The following IQCH variants were observed in gnomAD, a reference collection of about 807,000 sequenced individuals.
IQCH encodes IQ domain-containing protein H.
A neutral mutation model predicts 117.0 loss-of-function variants in IQCH; 98 were observed. The ratio of observed to expected loss-of-function variants is 0.84; its 90% CI spans 0.71 to 0.99. The LOEUF is 0.99. IQCH is among the 50% of genes least tolerant of loss of function. The probability of loss-of-function intolerance (pLI) is 0.00; values close to 1 mark genes in which losing one functional copy is unlikely to be tolerated. For missense variants in IQCH, 1,102 were observed against 1,243.8 expected, an observed-to-expected ratio of 0.89 and a Z score of 1.72; for synonymous variants, 412 against 448.2, an observed-to-expected ratio of 0.92 and a Z score of 1.02.
chr15:67,259,830 G>C (rs1965385182), intron 1 of IQCH, among the ~76,000 whole-genome samples: 1 of 152,186 alleles, frequency 6.6e-6, no homozygotes, highest in Non-Finnish European at 1.5e-5. Context: ...ATAGAAAGAA[G>C]TATATCTTTA....
intron 16 of IQCH, among the ~76,000 whole-genome samples, chr15:67,440,361 C>T (rs2082240269): frequency 6.6e-6 from 1 of 152,190 alleles, no homozygotes; most frequent in Non-Finnish European, 1.5e-5. Context: ...TTCCCTAATT[C>T]ATTTTATGAA....
intron 8 of IQCH, chr15:67,371,482 C>A: frequency 6.3e-7 from 1 of 1,583,416 alleles, no homozygotes; most frequent in South Asian, 1.2e-5. Context: ...AAGAAGAAAC[C>A]AGACTTAAGA....
Position 67,384,960 on chromosome 15 carries a change from A to G in IQCH, c.1397A>G (p.His466Arg), listed in dbSNP as rs368645044. The G allele has an allele frequency of 3.7e-5, 60 of 1,612,042 alleles. No individual in the cohort carries two copies. The highest frequency in any genetic ancestry group is 4.9e-5 in the Non-Finnish European group (58 of 1,178,408). Residue 466 changes from histidine (H) to arginine (R), a missense_variant, in exon 11 of 21, where the codon CAT becomes CGT. His to Arg is a conservative substitution (Grantham distance 29). This residue lies in a region of IQCH where 650 missense variants were observed against 794.3 expected (regional missense o/e 0.82). Coordinates refer to ENST00000335894, the MANE Select transcript of IQCH (RefSeq NM_001031715.3). The surrounding 1 kb of genome is among the most constrained non-coding windows in gnomAD (Gnocchi z 4.3). ...SLGYSQPVRE[H>R]IADFNTQQNM... ...GGGTATTCCCAGCCTGTGAGAGAAC[A>G]TATTGCCGATTTCAACACACAGCAG...
chr15:67,338,252 T>C (rs1432856891), intron 5 of IQCH, among the ~76,000 whole-genome samples: 2 of 151,940 alleles, frequency 1.3e-5, no homozygotes, highest in Non-Finnish European at 2.9e-5. Flanking sequence ...TCTATCTGTC[T>C]GCTCTGCTTT....
intron 16 of IQCH, among the ~76,000 whole-genome samples, chr15:67,461,554 G>A (rs1406680686): frequency 6.6e-6 from 1 of 152,232 alleles, no homozygotes; most frequent in African/African-American, 2.4e-5. Context: ...ACCAGATGGA[G>A]AACAGAACAA....
In IQCH at chr15:67,395,600, T is replaced by G. The variant is rs1338036750; in HGVS notation, c.1905+37T>G. ...GGACAAGTGAAGCTCTGTTCAAATA[T>G]TTGAAACATCCTCTTGATCTTGGAC... On this transcript the variant is annotated intron_variant, in intron 13 of 20. Coordinates refer to ENST00000335894, the MANE Select transcript of IQCH (RefSeq NM_001031715.3). This position sits in a 1 kb window ranked among gnomAD's most constrained non-coding sequence, Gnocchi z 4.0. 6.3e-7 allele frequency: 1 copy of G among 1,590,906 alleles called. No homozygotes were observed. The highest frequency in any genetic ancestry group is 2.2e-5 in the East Asian group (1 of 44,576).
At position 67,453,387 on chromosome 15, in the gene IQCH, G is replaced by A. The variant is rs191632494; in HGVS notation, c.2506-11740G>A. ...ACCTTTGGTCTTTGATGATGGTGAC[G>A]TACAGATGGGTTTTTGGTGTAGATG... On this transcript the variant is annotated intron_variant, in intron 16 of 20. Coordinates refer to ENST00000335894, the MANE Select transcript of IQCH (RefSeq NM_001031715.3). This position sits in a 1 kb window ranked among gnomAD's most constrained non-coding sequence, Gnocchi z 5.8. Among the ~76,000 whole-genome samples the A allele has an allele frequency of 2.2e-3, 339 of 152,238 alleles. 1 individual carries two copies. Among genetic ancestry groups the A allele is most frequent in the Non-Finnish European group, 3.6e-3 (247 of 68,020 alleles).
At chr15:67,330,630 A>G (rs2140637500) in intron 4 of IQCH, among the ~76,000 whole-genome samples, 1 of 152,372 alleles carries the variant, frequency 6.6e-6, no homozygotes, top group East Asian at 1.9e-4. Flanking sequence ...TGGTGAAAGC[A>G]TCAGAAACTA....
chr15:67,353,496 A>T (rs1969758689), intron 6 of IQCH, among the ~76,000 whole-genome samples: 1 of 151,898 alleles, frequency 6.6e-6, no homozygotes, highest in African/African-American at 2.4e-5. Context: ...AGTAGCTGGG[A>T]CTACAGGTGC....
At chr15:67,272,650 G>A (rs911714039) in intron 3 of IQCH, among the ~76,000 whole-genome samples, 3 of 152,182 alleles carry the variant, frequency 2.0e-5, no homozygotes, top group African/African-American at 7.2e-5. Context: ...CTATCTACTT[G>A]CTGAATTGAC....
chr15:67,364,240 AATAG>A lies in IQCH; in HGVS notation c.753+4356_753+4359del, dbSNP rs1299825993. On this transcript the variant is annotated intron_variant, in intron 8 of 20. Transcript: ENST00000335894. The surrounding 1 kb of genome is among the most constrained non-coding windows in gnomAD (Gnocchi z 4.1). ...ATCTGTTATTTTTTGACCTTTTTATAATAGTCATTCTGACTGGTATGAGATGGTA... is the reference window on the plus strand; with the variant it reads ...ATCTGTTATTTTTTGACCTTTTTATATCATTCTGACTGGTATGAGATGGTA... Among the ~76,000 whole-genome samples the A allele has an allele frequency of 5.3e-5, 8 of 152,150 alleles. No individual in the cohort carries two copies. Among genetic ancestry groups the A allele is most frequent in the Non-Finnish European group, 1.2e-4 (8 of 68,018 alleles).
rs939496205 is a variant in IQCH at position 67,388,978 on chromosome 15, T to C, written c.1604T>C (p.Ile535Thr). The C allele has an allele frequency of 1.4e-5, 23 of 1,613,932 alleles. No individual in the cohort carries two copies. Among genetic ancestry groups the C allele is most frequent in the Non-Finnish European group, 1.8e-5 (21 of 1,179,868 alleles). The change falls in exon 12 of 21, where the codon ATC becomes ACC. Residue 535 changes from isoleucine (I) to threonine (T), a missense_variant. Around this residue, in one of 2 missense-constraint regions of IQCH, gnomAD observed 650 missense variants for 794.3 expected, o/e 0.82. Transcript: ENST00000335894. The surrounding 1 kb of genome is among the most constrained non-coding windows in gnomAD (Gnocchi z 5.5). Reference protein sequence around the residue: ...RSDLQDRFKIITPEAVNIFPK... With the variant: ...RSDLQDRFKITTPEAVNIFPK... ...GACCTGCAGGACAGGTTCAAAATTA[T>C]CACACCTGAAGCTGTAAACATCTTC...
intron 3 of IQCH, 23 bp from the exon 4 acceptor site, chr15:67,279,372 A>T: frequency 7.8e-7 from 1 of 1,280,076 alleles, no homozygotes; most frequent in Middle Eastern, 1.8e-4. Flanking sequence ...ATTTGATTTT[A>T]AATTCCATTT....
chr15:67,464,905 T>C (rs2082891971), intron 16 of IQCH, among the ~76,000 whole-genome samples: 1 of 152,210 alleles, frequency 6.6e-6, no homozygotes, highest in South Asian at 2.1e-4. Flanking sequence ...TGGCCAAGTA[T>C]TTCTGTAACT....
chr15:67,501,196 C>T lies in IQCH; in HGVS notation c.*450C>T, dbSNP rs1026741111. ...TTAAGAATTGCTATTTGTCAAAACA[C>T]AAATGCCTTTTTTTCAAAGCTTCAA... On this transcript the variant is annotated 3_prime_UTR_variant, in exon 21 of 21. Transcript: ENST00000335894. This position sits in a 1 kb window ranked among gnomAD's most constrained non-coding sequence, Gnocchi z 5.2. The T allele has an allele frequency of 1.3e-5, 2 of 152,112 alleles. No homozygotes were observed. The highest frequency in any genetic ancestry group is 2.1e-4 in the South Asian group (1 of 4,830). The allele number at this position is 152,112 out of a possible 1,614,324, so 9.4% of individuals were successfully genotyped here. A position where few individuals can be genotyped will look rare whatever the true frequency, so the allele number is the denominator to read the frequency against.
intron 1 of IQCH, among the ~76,000 whole-genome samples, chr15:67,256,016 C>T (rs565077732): frequency 5.3e-5 from 8 of 152,298 alleles, no homozygotes; most frequent in African/African-American, 1.9e-4. Context: ...CAGGGGTCCC[C>T]AGAACCACCT....
intron 8 of IQCH, among the ~76,000 whole-genome samples, chr15:67,360,500 T>G (rs1970087812): frequency 6.6e-6 from 1 of 152,244 alleles, no homozygotes; most frequent in African/African-American, 2.4e-5. Flanking sequence ...TGATTCTCCT[T>G]TGAGCAAGTC....
intron 8 of IQCH, among the ~76,000 whole-genome samples, chr15:67,367,219 A>T (rs1460655689): frequency 6.6e-6 from 1 of 152,188 alleles, no homozygotes; most frequent in East Asian, 1.9e-4. Flanking sequence ...TTAGTTTGAC[A>T]AATTGCTTTC....
chr15:67,480,688 G>A (rs1482269088), intron 18 of IQCH, among the ~76,000 whole-genome samples: 1 of 152,108 alleles, frequency 6.6e-6, no homozygotes, highest in Middle Eastern at 3.2e-3. Context: ...TTAACGGAAA[G>A]CAGAAGGATG....
Sources: gnomAD v4.1 joint callset for allele counts (sites outside exome capture counted in the v4.1 genomes callset) on GRCh38, gnomAD v4.1.1 for gene constraint, gnomAD v4.1.1 regional missense constraint, Gnocchi (gnomAD v3.1) non-coding constraint, MANE v1.5 for transcripts, NCBI Gene and HGNC (gene_info 2026-07-23, HGNC 2026-07-21) for gene names.